IFT52: variants seen among roughly 807,000 people sequenced by gnomAD.
The protein encoded by IFT52 is intraflagellar transport 52, also known as intraflagellar transport protein 52 homolog.
A neutral mutation model predicts 54.4 loss-of-function variants in IFT52; 44 were observed. That is an observed-to-expected ratio of 0.81 (90% CI 0.63 to 1.04). The LOEUF is 1.04. Among genes scored for constraint, IFT52 ranks in the 50% least tolerant of loss-of-function variants. The pLI is 0.00. For synonymous variants in IFT52, 181 were observed against 185.3 expected (o/e 0.98, Z 0.19); for missense variants, 452 against 523.6 (o/e 0.86, Z 1.33).
intron 6 of IFT52, 113 bp downstream of exon 6, chr20:43,605,186 T>A: frequency 2.0e-6 from 3 of 1,493,968 alleles, no homozygotes; most frequent in Non-Finnish European, 1.8e-6. Context: ...ATTTGAACAG[T>A]TCAAGAGGAA....
At position 43,635,928 on chromosome 20, in the gene IFT52, C is replaced by T. The variant is rs201981328; in HGVS notation, c.926C>T (p.Ala309Val). Residue 309 changes from alanine (A) to valine (V), a missense_variant and splice_region_variant, in exon 11 of 14, where the codon GCT becomes GTT. Physicochemically the swap from Ala to Val is moderately conservative, Grantham distance 64 (BLOSUM62 0). Coordinates refer to ENST00000373030, the MANE Select transcript of IFT52 (RefSeq NM_016004.5). The part of the protein sequence containing the change: ...DTTSFHSVIE[A>V]HEQLNVKHEP... Reference sequence around the variant, plus strand: ...TTTTTGTTTGATTATGAACACAGGGCTCACGAGCAGCTAAATGTGAAACAT... The same window carrying T: ...TTTTTGTTTGATTATGAACACAGGGTTCACGAGCAGCTAAATGTGAAACAT... The T allele has an allele frequency of 7.4e-6, 12 of 1,613,956 alleles. No homozygotes were observed. The highest frequency in any genetic ancestry group is 9.3e-6 in the Non-Finnish European group (11 of 1,179,964).
chr20:43,596,648 T>TTCA (rs1340350653), intron 3 of IFT52, 126 bp downstream of exon 3: 6 of 670,522 alleles, frequency 8.9e-6, no homozygotes, highest in Non-Finnish European at 1.3e-5. Context: ...CATCTCTCTT[T>TTCA]TCATCATGGA....
chr20:43,600,555 TG>T (rs1250645840), intron 3 of IFT52, among the ~76,000 whole-genome samples: 1 of 152,134 alleles, frequency 6.6e-6, no homozygotes, highest in Admixed American at 6.6e-5. Flanking sequence ...CCGCCCGCCT[TG>T]GCCTCTGGTA....
intron 7 of IFT52, among the ~76,000 whole-genome samples, chr20:43,614,226 C>T (rs1983681437): frequency 6.6e-6 from 1 of 151,944 alleles, no homozygotes; most frequent in Admixed American, 6.6e-5. Context: ...TAGCATGAGG[C>T]TACCTGTATT....
intron 12 of IFT52, among the ~76,000 whole-genome samples, chr20:43,637,739 G>C (rs1357070420): frequency 1.3e-5 from 2 of 151,924 alleles, no homozygotes; most frequent in East Asian, 3.9e-4. Flanking sequence ...TGTTCTTCTC[G>C]AGGCTATTTA....
intron 1 of IFT52, among the ~76,000 whole-genome samples, chr20:43,593,537 A>G (rs550908574): frequency 6.6e-6 from 1 of 152,308 alleles, no homozygotes; most frequent in South Asian, 2.1e-4. Context: ...ATTATGGTAG[A>G]TCCATAAAAT....
intron 10 of IFT52, among the ~76,000 whole-genome samples, chr20:43,631,045 T>G (rs1391665159): frequency 6.6e-6 from 1 of 152,068 alleles, no homozygotes; most frequent in Non-Finnish European, 1.5e-5. Flanking sequence ...TAGTAAGAAT[T>G]TTAGTTTAAA....
At chr20:43,628,127 C>A (rs1201158662) in intron 10 of IFT52, among the ~76,000 whole-genome samples, 2 of 151,868 alleles carry the variant, frequency 1.3e-5, no homozygotes, top group Admixed American at 1.3e-4. Flanking sequence ...CGGGGTTTCA[C>A]CATATTGGTC....
intron 12 of IFT52, among the ~76,000 whole-genome samples, chr20:43,640,830 G>A (rs1010597659): frequency 2.6e-5 from 4 of 152,134 alleles, no homozygotes; most frequent in Non-Finnish European, 5.9e-5. Context: ...GAGCTCACGA[G>A]TTCGAGACCA....
chr20:43,597,508 T>C (rs1190547663), intron 3 of IFT52, among the ~76,000 whole-genome samples: 1 of 152,208 alleles, frequency 6.6e-6, no homozygotes. Context: ...TGGGAAGTTA[T>C]TGGAACCCTT....
chr20:43,642,886 G>A (rs1986016120), intron 13 of IFT52, among the ~76,000 whole-genome samples: 1 of 152,210 alleles, frequency 6.6e-6, no homozygotes, highest in East Asian at 1.9e-4. Context: ...AGAAGTGGAG[G>A]CTGGGCGCAG....
chr20:43,607,972 C>G (rs1315492273), intron 6 of IFT52, among the ~76,000 whole-genome samples: 3 of 152,174 alleles, frequency 2.0e-5, no homozygotes, highest in African/African-American at 7.2e-5. Flanking sequence ...CAGCGAAACC[C>G]CGTCTCCACC....
chr20:43,629,440 T>C (rs1028272222), intron 10 of IFT52, among the ~76,000 whole-genome samples: 4 of 152,094 alleles, frequency 2.6e-5, no homozygotes, highest in Admixed American at 2.0e-4. Flanking sequence ...ATCCAGCTAA[T>C]GTTTTGTATT....
At chr20:43,601,290 A>G (rs974140791) in intron 3 of IFT52, among the ~76,000 whole-genome samples, 2 of 152,172 alleles carry the variant, frequency 1.3e-5, no homozygotes, top group African/African-American at 4.8e-5. Flanking sequence ...ATTACAGGAA[A>G]TACCTCACAT....
chr20:43,599,725 G>C (rs1982274142), intron 3 of IFT52, among the ~76,000 whole-genome samples: 1 of 152,146 alleles, frequency 6.6e-6, no homozygotes, highest in Admixed American at 6.6e-5. Context: ...GACATCATAT[G>C]TCTGATATTA....
At chr20:43,628,181 A>C (rs1984888509) in intron 10 of IFT52, among the ~76,000 whole-genome samples, 1 of 151,942 alleles carries the variant, frequency 6.6e-6, no homozygotes, top group Admixed American at 6.6e-5. Flanking sequence ...CACCCGCCTC[A>C]GCCTCCCAAA....
intron 10 of IFT52, among the ~76,000 whole-genome samples, chr20:43,632,571 A>G (rs968385367): frequency 6.6e-6 from 1 of 151,888 alleles, no homozygotes; most frequent in Admixed American, 6.6e-5. Flanking sequence ...AGTTCCTGAC[A>G]TCTTACTAGT....
At chr20:43,601,768 C>G in intron 3 of IFT52, among the ~76,000 whole-genome samples, 1 of 152,080 alleles carries the variant, frequency 6.6e-6, no homozygotes, top group Non-Finnish European at 1.5e-5. Flanking sequence ...TTAGGGCTGT[C>G]TGGGAAGAGG....
chr20:43,598,584 A>T (rs1982182194), intron 3 of IFT52, among the ~76,000 whole-genome samples: 1 of 152,134 alleles, frequency 6.6e-6, no homozygotes. Flanking sequence ...ACTCCCAGCT[A>T]CTTGGGAAGT....
Sources: allele counts gnomAD v4.1 joint callset (sites outside exome capture counted in the v4.1 genomes callset), GRCh38; gene constraint gnomAD v4.1.1; transcripts MANE v1.5; gene names NCBI Gene and HGNC (gene_info 2026-07-23, HGNC 2026-07-21).